GRIK1: variants seen among roughly 807,000 people sequenced by gnomAD.
The protein encoded by GRIK1 is glutamate receptor ionotropic, kainate 1.
In GRIK1, 69 loss-of-function variants were observed where a neutral mutation model predicts 105.7. The observed-to-expected ratio is 0.65, with a 90% confidence interval of 0.54 to 0.80. The LOEUF (loss-of-function observed/expected upper bound fraction) is 0.80, where lower values mean the gene tolerates loss of function less well. Among genes scored for constraint, GRIK1 ranks in the 30% least tolerant of loss-of-function variants. The pLI, the probability that GRIK1 is intolerant of heterozygous loss-of-function variation, is 0.00. For missense variants in GRIK1, 1,109 were observed against 1,167.3 expected (o/e 0.95, Z 0.73); for synonymous variants, 438 against 431.3 (o/e 1.02, Z -0.19).
At chr21:29,826,293 T>C (rs1411657209) in intron 1 of GRIK1, among the ~76,000 whole-genome samples, 1 of 152,056 alleles carries the variant, frequency 6.6e-6, no homozygotes, top group Non-Finnish European at 1.5e-5. Flanking sequence ...GATCTCAAGG[T>C]GGGTATGAGG....
At chr21:29,680,402 A>G (rs1420407313) in intron 3 of GRIK1, among the ~76,000 whole-genome samples, 2 of 152,042 alleles carry the variant, frequency 1.3e-5, no homozygotes, top group Non-Finnish European at 2.9e-5. Context: ...AGCGTATCTT[A>G]CTCTTCTACT....
At chr21:29,832,968 G>T (rs529254356) in intron 1 of GRIK1, among the ~76,000 whole-genome samples, 4 of 58,984 alleles carry the variant, frequency 6.8e-5, no homozygotes, top group African/African-American at 1.6e-4. Context: ...ACAAACATAG[G>T]TTGCTAGAAG....
At chr21:29,828,420 C>T (rs953699540) in intron 1 of GRIK1, among the ~76,000 whole-genome samples, 1 of 151,984 alleles carries the variant, frequency 6.6e-6, no homozygotes, top group Non-Finnish European at 1.5e-5. Context: ...TAGAGACTTT[C>T]CTAGGAGCCT....
At chr21:29,722,383 C>T (rs1043465305) in intron 1 of GRIK1, among the ~76,000 whole-genome samples, 5 of 151,922 alleles carry the variant, frequency 3.3e-5, no homozygotes, top group East Asian at 3.9e-4. Flanking sequence ...GATGAAACCC[C>T]ATCTCTACTA....
intron 1 of GRIK1, among the ~76,000 whole-genome samples, chr21:29,871,276 A>G (rs145932061): frequency 3.9e-5 from 6 of 152,104 alleles, no homozygotes; most frequent in Non-Finnish European, 8.8e-5. Context: ...CAATAATAAA[A>G]CCAGCATTTA....
At chr21:29,862,590 G>A (rs368807220) in intron 1 of GRIK1, among the ~76,000 whole-genome samples, 16 of 152,280 alleles carry the variant, frequency 1.1e-4, no homozygotes, top group African/African-American at 3.6e-4. Context: ...GGGTGCAATG[G>A]CTCATCCTCC....
rs556292527 is a variant in GRIK1, at chr21:29,712,912, C to CT, written c.119-18850dup. On this transcript the variant is annotated intron_variant, in intron 1 of 17. Coordinates refer to ENST00000327783, the MANE Select transcript of GRIK1 (RefSeq NM_001330994.2). ...GATTTACTCCACCACTTTTTGGAAA[C>CT]TTTTTTTTTTTCTTCCCACTCATGC... Among the ~76,000 whole-genome samples, 632 of 148,322 alleles carry CT rather than the reference C, an allele frequency of 4.3e-3. 2 individuals are homozygous for CT. The highest frequency in any genetic ancestry group is 0.014 in the African/African-American group (578 of 40,656).
chr21:29,817,628 C>T lies in GRIK1; in HGVS notation c.118+121755G>A, dbSNP rs188125042. 5.9e-5 allele frequency among the ~76,000 whole-genome samples: 9 copies of T among 152,096 alleles called. No individual in the cohort carries two copies. The East Asian group carries it at 9.7e-4, about 16-fold the overall frequency. ...CTGCTGTCTTCCTCTATGCCAGCAG[C>T]GCACCCTAGAGAATGGTTACACATT... On this transcript the variant is annotated intron_variant, in intron 1 of 17. Coordinates refer to ENST00000327783, the MANE Select transcript of GRIK1 (RefSeq NM_001330994.2).
chr21:29,815,546 T>G (rs556524873), intron 1 of GRIK1, among the ~76,000 whole-genome samples: 22 of 152,278 alleles, frequency 1.4e-4, no homozygotes, highest in African/African-American at 4.6e-4. Context: ...GCAGCATCAT[T>G]TTTCTTCTAG....
rs780446480 is a variant in GRIK1 at position 29,888,195 on chromosome 21, TTCTC to T, written c.118+51184_118+51187del. 2.4e-3 allele frequency among the ~76,000 whole-genome samples: 54 copies of T among 22,112 alleles called. 1 individual carries two copies. Among genetic ancestry groups the T allele is most frequent in the Admixed American group, 3.3e-3 (4 of 1,198 alleles). 14.5% of individuals were successfully genotyped at this position (22,112 alleles called of 152,430 possible). A position where few individuals can be genotyped will look rare whatever the true frequency, so the allele number is the denominator to read the frequency against. ...TTTCTTTCTTTCTTCCTTTCTTTCT[TTCTC>T]TCTCTCTCTCTCTCTCTCTCTCTCT... On this transcript the variant is annotated intron_variant, in intron 1 of 17. Coordinates refer to ENST00000327783, the MANE Select transcript of GRIK1 (RefSeq NM_001330994.2).
At position 29,561,689 on chromosome 21, in the gene GRIK1, T is replaced by A. The variant is rs762409051; in HGVS notation, c.2291A>T (p.Asn764Ile). 1 of 1,614,098 alleles carries A rather than the reference T, an allele frequency of 6.2e-7. No individual in the cohort carries two copies. The change falls in exon 15 of 18, where the codon AAC becomes ATC. Residue 764 changes from asparagine to isoleucine, a missense_variant. By Grantham distance (149) the Asn-to-Ile change is moderately radical (BLOSUM62 -3). Transcript: ENST00000327783. ...STSIEYVTQRNCNLTQIGGLI... is the reference protein window; with the variant it reads ...STSIEYVTQRICNLTQIGGLI... The stretch of plus-strand genomic sequence containing the variant: ...GCCCCCGATCTGAGTGAGGTTGCAG[T>A]TTCTCTGCGTCACATACTCAATGCT...
At chr21:29,554,299 CTT>C in intron 16 of GRIK1, among the ~76,000 whole-genome samples, 1 of 152,076 alleles carries the variant, frequency 6.6e-6, no homozygotes, top group East Asian at 1.9e-4. Context: ...TGACCATAAA[CTT>C]TATATTTTGT....
At chr21:29,654,139 G>A (rs1480681081) in intron 5 of GRIK1, among the ~76,000 whole-genome samples, 1 of 152,142 alleles carries the variant, frequency 6.6e-6, no homozygotes, top group African/African-American at 2.4e-5. Flanking sequence ...TGAGTGTGTA[G>A]GTGGGGAGGT....
intron 1 of GRIK1, among the ~76,000 whole-genome samples, chr21:29,844,150 A>AT (rs937371128): frequency 1.3e-5 from 2 of 151,694 alleles, no homozygotes; most frequent in Admixed American, 6.6e-5. Context: ...TTGTCATTGC[A>AT]TTTTTTTTCC....
At chr21:29,862,835 G>A (rs1468967436) in intron 1 of GRIK1, among the ~76,000 whole-genome samples, 1 of 152,074 alleles carries the variant, frequency 6.6e-6, no homozygotes, top group African/African-American at 2.4e-5. Context: ...CACTATCCAG[G>A]GTCTGGAATT....
At chr21:29,671,569 A>G (rs1361457809) in intron 4 of GRIK1, among the ~76,000 whole-genome samples, 18 of 152,132 alleles carry the variant, frequency 1.2e-4, no homozygotes, top group Non-Finnish European at 2.9e-5. Context: ...GTCAGGCCAG[A>G]TGATTATTTG....
intron 16 of GRIK1, chr21:29,553,590 C>T (rs564404033): frequency 2.6e-5 from 41 of 1,604,330 alleles, no homozygotes; most frequent in Non-Finnish European, 3.5e-5. Context: ...TTTCGAATCC[C>T]TCTCTCCTCT....
intron 1 of GRIK1, among the ~76,000 whole-genome samples, chr21:29,731,063 C>G (rs992381502): frequency 6.6e-6 from 1 of 151,942 alleles, no homozygotes; most frequent in Non-Finnish European, 1.5e-5. Flanking sequence ...GATTAGGAAA[C>G]AAAAAGAAGT....
At chr21:29,559,932 T>C (rs1446639018) in intron 15 of GRIK1, among the ~76,000 whole-genome samples, 1 of 152,128 alleles carries the variant, frequency 6.6e-6, no homozygotes, top group East Asian at 1.9e-4. Flanking sequence ...GGTCTGTAAT[T>C]TTCCATAATT....
Sources: allele counts gnomAD v4.1 joint callset (sites outside exome capture counted in the v4.1 genomes callset), GRCh38; gene constraint gnomAD v4.1.1; transcripts MANE v1.5; gene names NCBI Gene and HGNC (gene_info 2026-07-23, HGNC 2026-07-21).